Variants in RAG1 observed in about 807,000 individuals in gnomAD.
RAG1 encodes the protein recombination activating 1, also known as V(D)J recombination-activating protein 1.
RAG1 carries 35 observed loss-of-function variants against 62.7 expected under a neutral mutation model. The ratio of observed to expected loss-of-function variants is 0.56; its 90% CI spans 0.43 to 0.74. The LOEUF is 0.74. Ranked by LOEUF, RAG1 falls within the 30% of genes least tolerant of loss-of-function variation. The pLI, the probability that RAG1 is intolerant of heterozygous loss-of-function variation, is 0.00. For missense variants in RAG1, 1,169 were observed against 1,278.6 expected (o/e 0.91, Z 1.31); for synonymous variants, 461 against 470.3 (o/e 0.98, Z 0.26).
chr11:36,534,937 T>C (rs751264709), intron 2 of RAG1, among the ~76,000 whole-genome samples: 5 of 152,214 alleles, frequency 3.3e-5, no homozygotes, highest in Admixed American at 6.5e-5. Context: ...ATTATAATTT[T>C]ACTTCTTTCT....
chr11:36,574,245 G>A lies in RAG1; in HGVS notation c.941G>A (p.Arg314Gln), dbSNP rs1206270386. 18 of 1,614,012 alleles carry A rather than the reference G, an allele frequency of 1.1e-5. No homozygotes were observed. Among genetic ancestry groups the A allele is most frequent in the African/African-American group, 4.0e-5 (3 of 74,904 alleles). The stretch of plus-strand genomic sequence containing the variant: ...ACCAACTGTAAGCATGTCTTTTGCC[G>A]GGTCTGCATTCTCAGATGCCTCAAA... ...VETNCKHVFC[R>Q]VCILRCLKVM... The change falls in exon 2 of 2, where the codon CGG becomes CAG. Residue 314 changes from arginine (R) to glutamine (Q), a missense_variant. Arg to Gln is a conservative substitution (Grantham distance 43). Around this residue, in one of 2 missense-constraint regions of RAG1, gnomAD observed 800 missense variants for 943.3 expected, o/e 0.85. Transcript: ENST00000299440.
At chr11:36,510,617 C>G (rs777654552), upstream of RAG1, 11 of 152,268 alleles carry the variant, frequency 7.2e-5, no homozygotes, top group Non-Finnish European at 1.6e-4. Context: ...CCCAGCTGGG[C>G]TAGATCGCTT....
chr11:36,514,697 T>C (rs1227485969), intron 1 of RAG1, among the ~76,000 whole-genome samples: 9 of 152,190 alleles, frequency 5.9e-5, no homozygotes, highest in Non-Finnish European at 1.0e-4. Flanking sequence ...CCCTCACATG[T>C]GCAGTTCACG....
At chr11:36,533,984 TTAAA>T (rs1454472495) in intron 2 of RAG1, among the ~76,000 whole-genome samples, 4 of 152,084 alleles carry the variant, frequency 2.6e-5, no homozygotes, top group African/African-American at 9.7e-5. Flanking sequence ...TTTTAGCTCT[TTAAA>T]TAACCTAAAT....
At chr11:36,540,793 C>T (rs549053048), downstream of RAG1, among the ~76,000 whole-genome samples, 1 of 152,288 alleles carries the variant, frequency 6.6e-6, no homozygotes, top group African/African-American at 2.4e-5. Context: ...GTGTATGGTC[C>T]GAACTGTGGT....
chr11:36,559,617 A>T, intron 3 of RAG1, among the ~76,000 whole-genome samples: 1 of 151,962 alleles, frequency 6.6e-6, no homozygotes, highest in Non-Finnish European at 1.5e-5. Context: ...CTTGTTTTCA[A>T]GTTCAGAAGT....
chr11:36,531,435 A>G (rs1181926990), intron 2 of RAG1, among the ~76,000 whole-genome samples: 2 of 151,836 alleles, frequency 1.3e-5, no homozygotes, highest in East Asian at 3.8e-4. Context: ...AACATTCGTT[A>G]GAATTCCATT....
intron 2 of RAG1, among the ~76,000 whole-genome samples, chr11:36,523,205 A>G (rs539322930): frequency 6.6e-6 from 1 of 152,336 alleles, no homozygotes; most frequent in Admixed American, 6.5e-5. Context: ...CTCATCTTGT[A>G]TCTCCCATAA....
chr11:36,534,875 G>A (rs1416034210), intron 2 of RAG1, among the ~76,000 whole-genome samples: 6 of 151,876 alleles, frequency 4.0e-5, no homozygotes, highest in Non-Finnish European at 5.9e-5. Flanking sequence ...TAAGGCTTTT[G>A]GGGTATCCTA....
chr11:36,562,131 GT>G (rs1217792757), intron 3 of RAG1, among the ~76,000 whole-genome samples: 1 of 152,148 alleles, frequency 6.6e-6, no homozygotes, highest in Non-Finnish European at 1.5e-5. Flanking sequence ...GATTAGAGAA[GT>G]AAAGTGATTT....
At position 36,574,067 on chromosome 11, in the gene RAG1, G is replaced by GC; in HGVS notation, c.764dup (p.Arg256LysfsTer16). On this transcript the variant is annotated frameshift_variant, in exon 2 of 2. Transcript: ENST00000299440. LOFTEE classifies it high-confidence loss of function. The stretch of plus-strand genomic sequence containing the variant: ...CCGTCAGCACAAGAGAAGAGCTCAG[G>GC]CAAGGATCAGCAGCAAGGATGTCAT... 2 of 1,614,124 alleles carry GC rather than the reference G, an allele frequency of 1.2e-6. No individual in the cohort carries two copies. The highest frequency in any genetic ancestry group is 1.7e-6 in the Non-Finnish European group (2 of 1,180,018).
intron 2 of RAG1, among the ~76,000 whole-genome samples, chr11:36,531,161 CT>C (rs1468062378): frequency 6.6e-6 from 1 of 151,764 alleles, no homozygotes; most frequent in Non-Finnish European, 1.5e-5. Flanking sequence ...CTCTTGCTTT[CT>C]TTTGGTTAAT....
intron 2 of RAG1, among the ~76,000 whole-genome samples, chr11:36,524,737 C>T (rs1018905092): frequency 6.6e-6 from 1 of 152,106 alleles, no homozygotes; most frequent in African/African-American, 2.4e-5. Flanking sequence ...GCGACCCACC[C>T]ACCTCGGCCT....
At chr11:36,559,389 T>C (rs1407361677) in intron 3 of RAG1, among the ~76,000 whole-genome samples, 2 of 152,226 alleles carry the variant, frequency 1.3e-5, no homozygotes, top group Non-Finnish European at 2.9e-5. Flanking sequence ...TTTGAGGTTC[T>C]TGAATTCATA....
At position 36,575,956 on chromosome 11, in the gene RAG1, G is replaced by C; in HGVS notation, c.2652G>C (p.Glu884Asp). Residue 884 changes from glutamate to aspartate, a missense_variant, in exon 2 of 2, where the codon GAG becomes GAC. This residue lies in a region of RAG1 where 800 missense variants were observed against 943.3 expected (regional missense o/e 0.85). Transcript: ENST00000299440. The surrounding 1 kb of genome is among the most constrained non-coding windows in gnomAD (Gnocchi z 4.1). ...PSEERHEALR[E>D]LMDLYLKMKP... ...AGGAGAGGCACGAGGCTCTGAGGGA[G>C]CTGATGGATCTTTACCTGAAGATGA... 6.2e-7 allele frequency: 1 copy of C among 1,614,190 alleles called. No homozygotes were observed. The highest frequency in any genetic ancestry group is 8.5e-7 in the Non-Finnish European group (1 of 1,180,028).
chr11:36,541,857 G>A (rs993803385), intron 3 of RAG1, among the ~76,000 whole-genome samples: 2 of 152,048 alleles, frequency 1.3e-5, no homozygotes, highest in African/African-American at 4.8e-5. Flanking sequence ...ATTGTGGGCT[G>A]CAACAAAATG....
downstream of RAG1, among the ~76,000 whole-genome samples, chr11:36,540,097 GAT>G (rs765041743): frequency 2.6e-5 from 4 of 152,178 alleles, no homozygotes; most frequent in Non-Finnish European, 5.9e-5. Context: ...TGTGAACATT[GAT>G]CCTACAAATT....
At chr11:36,513,678 C>T (rs1859956872) in intron 1 of RAG1, among the ~76,000 whole-genome samples, 1 of 152,154 alleles carries the variant, frequency 6.6e-6, no homozygotes, top group Non-Finnish European at 1.5e-5. Flanking sequence ...ACTCACAGTT[C>T]CACATGACTG....
At position 36,574,175 on chromosome 11, in the gene RAG1, A is replaced by G. The variant is rs575719588; in HGVS notation, c.871A>G (p.Ile291Val). The change falls in exon 2 of 2, where the codon ATC becomes GTC. Residue 291 changes from isoleucine (I) to valine (V), a missense_variant. Ile to Val is a conservative substitution (Grantham distance 29). Coordinates refer to ENST00000299440, the MANE Select transcript of RAG1 (RefSeq NM_000448.3). ...VDFPEHFVKS[I>V]SCQICEHILA... Reference sequence around the variant, plus strand: ...CTTCCCAGAGCACTTTGTGAAATCCATCTCCTGCCAGATCTGTGAACACAT... The same window carrying G: ...CTTCCCAGAGCACTTTGTGAAATCCGTCTCCTGCCAGATCTGTGAACACAT... The G allele has an allele frequency of 1.9e-6, 3 of 1,614,162 alleles. No individual in the cohort carries two copies. The highest frequency in any genetic ancestry group is 4.5e-5 in the East Asian group (2 of 44,868).
Sources: gnomAD v4.1 joint callset for allele counts (sites outside exome capture counted in the v4.1 genomes callset) on GRCh38, gnomAD v4.1.1 for gene constraint, gnomAD v4.1.1 regional missense constraint, Gnocchi (gnomAD v3.1) non-coding constraint, MANE v1.5 for transcripts, NCBI Gene and HGNC (gene_info 2026-07-23, HGNC 2026-07-21) for gene names.